Variants in RNF213 observed in about 807,000 individuals in gnomAD.
The protein encoded by RNF213 is ring finger protein 213.
A neutral mutation model predicts 514.4 loss-of-function variants in RNF213; 341 were observed. The ratio of observed to expected loss-of-function variants is 0.66; its 90% CI spans 0.61 to 0.73. The LOEUF (loss-of-function observed/expected upper bound fraction) is 0.73. Ranked by LOEUF, RNF213 falls within the 30% of genes least tolerant of loss-of-function variation. RNF213 has a pLI of 0.00. For missense variants in RNF213, 5,767 were observed against 6,615.6 expected (o/e 0.87, Z 4.45); for synonymous variants, 2,655 against 2,658.2 (o/e 1.00, Z 0.04).
chr17:80,339,107 C>T (rs115759653), intron 25 of RNF213, 94 bp from the exon 26 acceptor site: 60 of 1,071,810 alleles, frequency 5.6e-5, no homozygotes, highest in Admixed American at 3.2e-4. Context: ...TGGACAGGGC[C>T]GTCTTTTGGC....
chr17:80,364,653 G>A lies in RNF213; in HGVS notation c.11871+100G>A, dbSNP rs1223795262. 9.5e-6 allele frequency: 14 copies of A among 1,475,912 alleles called. No homozygotes were observed. In the Admixed American group the frequency reaches 2.4e-4, roughly 25 times the overall value. 91.4% of individuals were successfully genotyped at this position (1,475,912 alleles called of 1,614,324 possible). The stretch of plus-strand genomic sequence containing the variant: ...TCTGCGGCTGGGAGACGCTCTTTTG[G>A]CTCTGACCGTTTTGTCTAGACATGC... On this transcript the variant is annotated intron_variant, in intron 42 of 67. Coordinates refer to ENST00000582970, the MANE Select transcript of RNF213 (RefSeq NM_001256071.3).
chr17:80,334,482 T>A (rs1171323867), intron 22 of RNF213: 22 of 459,152 alleles, frequency 4.8e-5, no homozygotes, highest in Non-Finnish European at 6.7e-5. Context: ...TAAAAGCCAC[T>A]CACCTTGCCA....
At chr17:80,357,114 A>C (rs1172256868) in intron 36 of RNF213, among the ~76,000 whole-genome samples, 1 of 151,834 alleles carries the variant, frequency 6.6e-6, no homozygotes, top group African/African-American at 2.4e-5. Context: ...ACGGGATTTC[A>C]CCATGTTGGC....
chr17:80,350,161 A>G, intron 30 of RNF213, 140 bp from the exon 31 acceptor site: 1 of 761,108 alleles, frequency 1.3e-6, no homozygotes, highest in Non-Finnish European at 2.3e-6. Flanking sequence ...CCTCCCCTGG[A>G]CTATCTGTTC....
intron 36 of RNF213, chr17:80,354,859 C>A: frequency 2.1e-6 from 1 of 466,954 alleles, no homozygotes; most frequent in African/African-American, 2.0e-5. Context: ...GAACATTTAC[C>A]GACATTCATG....
Position 80,290,603 on chromosome 17 carries a change from C to T in RNF213, c.1146C>T (p.Phe382=), listed in dbSNP as rs761083745. The T allele has an allele frequency of 1.9e-6, 3 of 1,614,144 alleles. No homozygotes were observed. The highest frequency in any genetic ancestry group is 2.5e-6 in the Non-Finnish European group (3 of 1,180,040). Residue 382 remains phenylalanine, a synonymous_variant, in exon 7 of 68, where the codon TTC becomes TTT. Transcript: ENST00000582970. ...TLSPGGGVTV[F]FHAIISLHFP... ...GCCCGGGTGGAGGAGTCACCGTGTT[C>T]TTCCACGCCATCATCTCTCTTCATT...
chr17:80,375,419 GCA>G (rs2079707567), intron 50 of RNF213, among the ~76,000 whole-genome samples: 1 of 152,148 alleles, frequency 6.6e-6, no homozygotes, highest in Non-Finnish European at 1.5e-5. Flanking sequence ...GATCTGGCAG[GCA>G]GCGGTGCGGG....
At chr17:80,308,908 A>G (rs1454775945) in intron 13 of RNF213, 110 bp from the exon 14 acceptor site, 1 of 1,339,610 alleles carries the variant, frequency 7.5e-7, no homozygotes, top group Non-Finnish European at 1.1e-6. Flanking sequence ...AGGTCAAACA[A>G]ATGCCCTGTT....
chr17:80,293,606 G>A (rs1362616090), intron 8 of RNF213, among the ~76,000 whole-genome samples: 1 of 151,784 alleles, frequency 6.6e-6, no homozygotes, highest in East Asian at 2.0e-4. Flanking sequence ...GGCGGATCAC[G>A]AGGTCAGGAG....
intron 15 of RNF213, among the ~76,000 whole-genome samples, chr17:80,313,609 T>G (rs1361824397): frequency 7.0e-6 from 1 of 142,498 alleles, no homozygotes; most frequent in African/African-American, 2.6e-5. Context: ...GTGGTGGAGG[T>G]GATGGTGATT....
In RNF213 at chr17:80,289,737, G is replaced by A. The variant is rs756336687; in HGVS notation, c.1012G>A (p.Asp338Asn). Residue 338 changes from aspartate (D) to asparagine (N), a missense_variant, in exon 6 of 68, where the codon GAC becomes AAC. By Grantham distance (23) the Asp-to-Asn change is conservative (BLOSUM62 1). Transcript: ENST00000582970. The stretch of plus-strand genomic sequence containing the variant: ...TAAGAATGAACAAGGGGAGCCTGAA[G>A]ACCTCAAGAAGCCAGAGGGGAAGAA... ...VGKNEQGEPE[D>N]LKKPEGKNRS... is the part of the protein sequence containing the mutation. 1.9e-6 allele frequency: 3 copies of A among 1,614,086 alleles called. No homozygotes were observed. The highest frequency in any genetic ancestry group is 2.7e-5 in the African/African-American group (2 of 75,034).
intron 42 of RNF213, 33 bp from the exon 43 acceptor site, chr17:80,367,715 C>G (rs1568142550): frequency 1.9e-6 from 3 of 1,587,578 alleles, no homozygotes; most frequent in East Asian, 2.2e-5. Context: ...GCCCTCCCCC[C>G]TGCTAATGAC....
At chr17:80,299,000 T>G (rs556901461) in intron 11 of RNF213, among the ~76,000 whole-genome samples, 5 of 152,010 alleles carry the variant, frequency 3.3e-5, no homozygotes, top group Non-Finnish European at 5.9e-5. Context: ...CAAAAAACTA[T>G]CAAGAATACA....
chr17:80,354,256 C>G, intron 35 of RNF213, 90 bp downstream of exon 35: 1 of 1,519,544 alleles, frequency 6.6e-7, no homozygotes, highest in Non-Finnish European at 9.1e-7. Flanking sequence ...GGGGGACACC[C>G]TCTCAGGTTT....
chr17:80,279,024 CTG>C, intron 3 of RNF213: 1 of 1,427,868 alleles, frequency 7.0e-7, no homozygotes, highest in Non-Finnish European at 9.4e-7. Flanking sequence ...TCGAGGAAGG[CTG>C]CCCAGGATGG....
chr17:80,331,635 C>T (rs1021131990), intron 20 of RNF213, among the ~76,000 whole-genome samples: 1 of 152,162 alleles, frequency 6.6e-6, no homozygotes, highest in African/African-American at 2.4e-5. Context: ...GTGATCCGCC[C>T]ATCTCAGCGT....
At chr17:80,302,990 C>T (rs1477232969) in intron 11 of RNF213, among the ~76,000 whole-genome samples, 1 of 152,088 alleles carries the variant, frequency 6.6e-6, no homozygotes, top group African/African-American at 2.4e-5. Context: ...TTTATTTTGG[C>T]CTTGAAATGG....
intron 20 of RNF213, 64 bp downstream of exon 20, chr17:80,328,541 G>A (rs535673041): frequency 1.3e-6 from 2 of 1,493,578 alleles, no homozygotes; most frequent in Admixed American, 2.1e-5. Flanking sequence ...AACACAGTAA[G>A]AATGGATCAC....
chr17:80,381,699 C>A lies in RNF213; in HGVS notation c.13950C>A (p.Leu4650=). ...GVVHLVLRRL[L]QEQHQLSSRR... ...TCCACCTCGTCCTGCGCAGGCTTCT[C>A]CAAGAGCAGCACCAGCTCTCTAGCA... Residue 4650 remains leucine, a synonymous_variant, in exon 57 of 68, where the codon CTC becomes CTA. Transcript: ENST00000582970. 2 of 1,614,020 alleles carry A rather than the reference C, an allele frequency of 1.2e-6. No individual in the cohort carries two copies. Among genetic ancestry groups the A allele is most frequent in the South Asian group, 1.1e-5 (1 of 91,072 alleles).
Sources: gnomAD v4.1 joint callset for allele counts (sites outside exome capture counted in the v4.1 genomes callset) on GRCh38, gnomAD v4.1.1 for gene constraint, MANE v1.5 for transcripts, NCBI Gene and HGNC (gene_info 2026-07-23, HGNC 2026-07-21) for gene names.